TBC1D32: variants seen among roughly 807,000 people sequenced by gnomAD.
TBC1D32 encodes the protein TBC1 domain family member 32, also known as protein broad-minded.
TBC1D32 carries 151 observed loss-of-function variants against 170.3 expected under a neutral mutation model. The observed-to-expected ratio is 0.89, with a 90% CI of 0.78 to 1.01. TBC1D32 has a LOEUF of 1.01. Ranked by LOEUF, TBC1D32 falls within the 50% of genes least tolerant of loss-of-function variation. The pLI, the probability that TBC1D32 is intolerant of heterozygous loss-of-function variation, is 0.00. For missense variants in TBC1D32, 1,464 were observed against 1,457.1 expected, an observed-to-expected ratio of 1.00 and a Z score of -0.08; for synonymous variants, 498 against 488.0, an observed-to-expected ratio of 1.02 and a Z score of -0.27.
At chr6:121,270,026 G>T (rs1314446765) in intron 15 of TBC1D32, among the ~76,000 whole-genome samples, 3 of 152,064 alleles carry the variant, frequency 2.0e-5, no homozygotes, top group Non-Finnish European at 4.4e-5. Flanking sequence ...GGTACATAAT[G>T]AAATGAAGGC....
rs1024715266 is a variant in TBC1D32 at position 121,134,098 on chromosome 6, T to A, written c.2774-2346A>T. On this transcript the variant is annotated intron_variant, in intron 24 of 31. Coordinates refer to ENST00000398212, the MANE Select transcript of TBC1D32 (RefSeq NM_152730.6). ...TTGTTTTCATTTAAAATATCCACAT[T>A]ACATATTGCCAAGAATAAAATATCT... Among the ~76,000 whole-genome samples the A allele has an allele frequency of 3.3e-5, 5 of 152,090 alleles. No individual in the cohort carries two copies. The South Asian group carries it at 1.0e-3, about 32-fold the overall frequency.
At chr6:121,332,341 A>G (rs184321414) in intron 1 of TBC1D32, among the ~76,000 whole-genome samples, 236 of 152,250 alleles carry the variant, frequency 1.6e-3, no homozygotes, top group African/African-American at 4.3e-3. Flanking sequence ...AAAAAATAAT[A>G]TATGTGTCTA....
chr6:121,261,739 A>T (rs2128406669), intron 15 of TBC1D32, among the ~76,000 whole-genome samples: 1 of 152,312 alleles, frequency 6.6e-6, no homozygotes, highest in African/African-American at 2.4e-5. Context: ...AAATGATCAC[A>T]ACACCTCTCC....
intron 15 of TBC1D32, among the ~76,000 whole-genome samples, chr6:121,260,234 A>G (rs1429188418): frequency 6.6e-6 from 1 of 152,176 alleles, no homozygotes; most frequent in Non-Finnish European, 1.5e-5. Context: ...TAAACCTCCA[A>G]TTTAAAAAAG....
intron 24 of TBC1D32, among the ~76,000 whole-genome samples, chr6:121,159,057 T>C (rs1237504275): frequency 1.3e-5 from 2 of 152,168 alleles, no homozygotes; most frequent in Non-Finnish European, 2.9e-5. Context: ...CCTCTGCTTT[T>C]TCCTCTGCCA....
intron 5 of TBC1D32, 74 bp from the exon 6 acceptor site, chr6:121,304,907 AG>A: frequency 1.0e-6 from 1 of 970,534 alleles, no homozygotes; most frequent in Non-Finnish European, 1.6e-6. Context: ...TTTTTCACAC[AG>A]TAAAAACTCA....
chr6:121,155,689 T>C (rs1483528715), intron 24 of TBC1D32, among the ~76,000 whole-genome samples: 1 of 152,156 alleles, frequency 6.6e-6, no homozygotes, highest in Non-Finnish European at 1.5e-5. Flanking sequence ...CCTTTATGCC[T>C]AGCCTATTGA....
intron 13 of TBC1D32, among the ~76,000 whole-genome samples, chr6:121,283,569 C>T (rs191870527): frequency 9.9e-4 from 150 of 151,884 alleles, no homozygotes; most frequent in African/African-American, 3.4e-3. Context: ...TAATAAAGAA[C>T]ATCATTAAAA....
chr6:121,160,437 A>G (rs1293487760), intron 23 of TBC1D32, among the ~76,000 whole-genome samples: 1 of 152,144 alleles, frequency 6.6e-6, no homozygotes, highest in Non-Finnish European at 1.5e-5. Context: ...TTTTTCCACA[A>G]AACTTTTTCT....
chr6:121,241,245 G>T (rs1022680202), intron 19 of TBC1D32, among the ~76,000 whole-genome samples: 4 of 152,028 alleles, frequency 2.6e-5, no homozygotes, highest in African/African-American at 9.7e-5. Context: ...ACAGAACAAG[G>T]TTGTATATAT....
intron 15 of TBC1D32, among the ~76,000 whole-genome samples, chr6:121,269,677 C>T (rs536372791): frequency 6.6e-6 from 1 of 152,034 alleles, no homozygotes; most frequent in Non-Finnish European, 1.5e-5. Flanking sequence ...ACTTTAACAC[C>T]CCACTGTCAA....
At position 121,241,477 on chromosome 6, in the gene TBC1D32, G is replaced by T. The variant is rs779781840; in HGVS notation, c.2233C>A (p.Leu745Ile). The T allele has an allele frequency of 6.2e-7, 1 of 1,612,566 alleles. No homozygotes were observed. The highest frequency in any genetic ancestry group is 1.1e-5 in the South Asian group (1 of 90,846). The change falls in exon 19 of 32, where the codon CTA becomes ATA. Residue 745 changes from leucine to isoleucine, a missense_variant. Coordinates refer to ENST00000398212, the MANE Select transcript of TBC1D32 (RefSeq NM_152730.6). ...VASTAAGGIALKKSGFINELI... is the reference protein window; with the variant it reads ...VASTAAGGIAIKKSGFINELI... ...AGAAAACATTTACCTGACTTTTTTA[G>T]TGCAATGCCACCTGCTGCTGTTGAT...
At chr6:121,311,469 C>T (rs552871693) in intron 3 of TBC1D32, among the ~76,000 whole-genome samples, 13 of 152,286 alleles carry the variant, frequency 8.5e-5, no homozygotes, top group African/African-American at 2.9e-4. Context: ...GTGGCTCACA[C>T]CCATAATCCC....
In TBC1D32 at chr6:121,256,288, A is replaced by G; in HGVS notation, c.1734-3T>C. On this transcript the variant is annotated splice_region_variant and splice_polypyrimidine_tract_variant and intron_variant, in intron 15 of 31. Transcript: ENST00000398212. Reference sequence around the variant, plus strand: ...CAATTATATGAGCACCTGTAGGACTAAAAGATGATACCTGAAAGTGATTCC... The same window carrying G: ...CAATTATATGAGCACCTGTAGGACTGAAAGATGATACCTGAAAGTGATTCC... 6.2e-7 allele frequency: 1 copy of G among 1,604,424 alleles called. No homozygotes were observed. Among genetic ancestry groups the G allele is most frequent in the Non-Finnish European group, 8.5e-7 (1 of 1,175,332 alleles).
chr6:121,248,579 A>C (rs933353197), intron 17 of TBC1D32, among the ~76,000 whole-genome samples: 11 of 152,034 alleles, frequency 7.2e-5, no homozygotes, highest in African/African-American at 1.2e-4. Context: ...AACCAAGAAA[A>C]AAGCAGATCC....
intron 22 of TBC1D32, chr6:121,192,508 T>A (rs1462371695): frequency 6.6e-6 from 1 of 152,116 alleles, no homozygotes; most frequent in African/African-American, 2.4e-5. Flanking sequence ...GAGGCTCAAA[T>A]CCGCTAAGAT....
At chr6:121,252,908 T>C (rs1798479480) in intron 17 of TBC1D32, among the ~76,000 whole-genome samples, 1 of 152,098 alleles carries the variant, frequency 6.6e-6, no homozygotes, top group Admixed American at 6.5e-5. Flanking sequence ...AAGCCACATG[T>C]AGAAGAAAGA....
chr6:121,170,825 A>G (rs1786877308), intron 22 of TBC1D32, among the ~76,000 whole-genome samples: 1 of 152,096 alleles, frequency 6.6e-6, no homozygotes, highest in South Asian at 2.1e-4. Context: ...AAAATTCATC[A>G]GAGAATTTTA....
intron 21 of TBC1D32, among the ~76,000 whole-genome samples, chr6:121,215,279 G>T (rs1793680403): frequency 6.6e-6 from 1 of 152,216 alleles, no homozygotes; most frequent in Non-Finnish European, 1.5e-5. Context: ...ATGGCTTGAA[G>T]GTGGGGCTTC....
Sources: gnomAD v4.1 joint callset for allele counts (sites outside exome capture counted in the v4.1 genomes callset) on GRCh38, gnomAD v4.1.1 for gene constraint, MANE v1.5 for transcripts, NCBI Gene and HGNC (gene_info 2026-07-23, HGNC 2026-07-21) for gene names.